Variants in PCBP3 observed in about 807,000 individuals in gnomAD.
PCBP3 encodes poly(rC) binding protein 3.
In PCBP3, 25 loss-of-function variants were observed where a neutral mutation model predicts 52.7. The observed-to-expected ratio is 0.47, with a 90% confidence interval of 0.35 to 0.66. PCBP3 has a LOEUF of 0.66. Among genes scored for constraint, PCBP3 ranks in the 30% least tolerant of loss-of-function variants. The probability of loss-of-function intolerance (pLI) is 0.01; values close to 1 mark genes in which losing one functional copy is unlikely to be tolerated. For synonymous variants in PCBP3, 162 were observed against 183.0 expected (o/e 0.89, Z 0.93); for missense variants, 391 against 490.3 (o/e 0.80, Z 1.91).
chr21:45,832,433 G>T (rs1358460534), intron 4 of PCBP3, among the ~76,000 whole-genome samples: 1 of 152,108 alleles, frequency 6.6e-6, no homozygotes, highest in African/African-American at 2.4e-5. Flanking sequence ...AGCCCAACAG[G>T]TCTCAGCCTT....
At chr21:45,845,377 G>A (rs1057255459) in intron 4 of PCBP3, among the ~76,000 whole-genome samples, 2 of 152,258 alleles carry the variant, frequency 1.3e-5, no homozygotes, top group African/African-American at 4.8e-5. Flanking sequence ...GCACCCGTGT[G>A]CACATGTGTG....
intron 1 of PCBP3, among the ~76,000 whole-genome samples, chr21:45,650,913 G>A (rs142312235): frequency 4.6e-5 from 7 of 152,262 alleles, no homozygotes; most frequent in South Asian, 2.1e-4. Context: ...CCTAATTTCA[G>A]ATGGGGCGGG....
chr21:45,646,107 C>CTCTCTCTCTCTCTCTCTGTGTG (rs1555895746), intron 1 of PCBP3, among the ~76,000 whole-genome samples: 3 of 83,826 alleles, frequency 3.6e-5, no homozygotes, highest in Non-Finnish European at 6.8e-5. Context: ...CTCTCTCTCT[C>CTCTCTCTCTCTCTCTCTGTGTG]TGTGTGTGTG....
At chr21:45,655,786 C>T (rs556604114) in intron 1 of PCBP3, among the ~76,000 whole-genome samples, 1 of 152,158 alleles carries the variant, frequency 6.6e-6, no homozygotes, top group East Asian at 1.9e-4. Flanking sequence ...TATCCAGAGC[C>T]TACAAAGTAC....
intron 2 of PCBP3, among the ~76,000 whole-genome samples, chr21:45,710,918 G>A (rs1406062734): frequency 3.3e-5 from 5 of 151,968 alleles, no homozygotes; most frequent in Non-Finnish European, 7.4e-5. Flanking sequence ...CTCTCAAATT[G>A]CTCCAGCTTT....
intron 4 of PCBP3, among the ~76,000 whole-genome samples, chr21:45,840,219 G>A (rs2093670502): frequency 6.6e-6 from 1 of 151,642 alleles, no homozygotes; most frequent in Non-Finnish European, 1.5e-5. Flanking sequence ...TTGGGAGGCC[G>A]AGGTGGGCAG....
intron 4 of PCBP3, among the ~76,000 whole-genome samples, chr21:45,785,734 C>A (rs965330534): frequency 6.6e-6 from 1 of 152,008 alleles, no homozygotes; most frequent in Non-Finnish European, 1.5e-5. Flanking sequence ...GGATGGTTGC[C>A]GTGTCTGTGT....
At chr21:45,910,287 A>G (rs563673350) in intron 10 of PCBP3, among the ~76,000 whole-genome samples, 1 of 141,832 alleles carries the variant, frequency 7.1e-6, no homozygotes, top group African/African-American at 2.7e-5. Flanking sequence ...CTACACTCCT[A>G]TGGGCCGTGC....
chr21:45,852,515 C>T (rs58491182), intron 5 of PCBP3, among the ~76,000 whole-genome samples: 35 of 91,378 alleles, frequency 3.8e-4, no homozygotes, highest in African/African-American at 9.4e-4. Context: ...GCCACCCTGA[C>T]TTTTGTTCAG....
At chr21:45,690,976 A>G (rs2082426653) in intron 2 of PCBP3, among the ~76,000 whole-genome samples, 2 of 152,176 alleles carry the variant, frequency 1.3e-5, no homozygotes. Context: ...TAAATACCGT[A>G]GCACTTACCG....
intron 3 of PCBP3, among the ~76,000 whole-genome samples, chr21:45,745,919 TGTCA>T (rs1056434199): frequency 1.3e-5 from 2 of 151,078 alleles, no homozygotes; most frequent in Non-Finnish European, 3.0e-5. Flanking sequence ...AGCATCGCTG[TGTCA>T]GTCCATTGAC....
At chr21:45,900,680 C>A in intron 8 of PCBP3, 57 bp downstream of exon 8, 1 of 1,176,298 alleles carries the variant, frequency 8.5e-7, no homozygotes, top group Non-Finnish European at 1.3e-6. Context: ...CGGGGTGGGT[C>A]CCCAGGCTCT....
chr21:45,857,383 CAAGA>C (rs894636367), intron 5 of PCBP3, among the ~76,000 whole-genome samples: 1 of 151,964 alleles, frequency 6.6e-6, no homozygotes, highest in African/African-American at 2.4e-5. Flanking sequence ...GGAATATAGG[CAAGA>C]AAAAAAATCA....
intron 5 of PCBP3, among the ~76,000 whole-genome samples, chr21:45,868,062 C>T (rs1400896575): frequency 6.6e-6 from 1 of 152,276 alleles, no homozygotes; most frequent in Non-Finnish European, 1.5e-5. Context: ...TGGGCCCGTC[C>T]GGAATTAGTG....
chr21:45,825,813 TG>T (rs1199296711), intron 4 of PCBP3, among the ~76,000 whole-genome samples: 1 of 151,918 alleles, frequency 6.6e-6, no homozygotes, highest in Admixed American at 6.6e-5. Context: ...TGGTGGGACG[TG>T]GGGGCGCATG....
intron 2 of PCBP3, among the ~76,000 whole-genome samples, chr21:45,731,002 G>A (rs1410462759): frequency 6.6e-6 from 1 of 152,120 alleles, no homozygotes; most frequent in Non-Finnish European, 1.5e-5. Flanking sequence ...TAATTGGGAT[G>A]TTGAGACCAT....
chr21:45,762,475 T>C (rs1373213236), intron 4 of PCBP3: 1 of 137,872 alleles, frequency 7.3e-6, no homozygotes, highest in African/African-American at 2.6e-5. Context: ...TTCACCTTTT[T>C]CTTTTCTTTT....
chr21:45,858,608 A>C (rs1377174453), intron 5 of PCBP3: 1 of 152,172 alleles, frequency 6.6e-6, no homozygotes, highest in Non-Finnish European at 1.5e-5. Context: ...CCACCTTTGC[A>C]TGACTCTGTT....
intron 3 of PCBP3, among the ~76,000 whole-genome samples, chr21:45,747,491 G>C (rs1291695302): frequency 6.6e-6 from 1 of 152,236 alleles, no homozygotes; most frequent in Non-Finnish European, 1.5e-5. Flanking sequence ...CATAGGTGCT[G>C]CTGCAGTGAC....
Sources: gnomAD v4.1 joint callset for allele counts (sites outside exome capture counted in the v4.1 genomes callset) on GRCh38, gnomAD v4.1.1 for gene constraint, MANE v1.5 for transcripts, NCBI Gene and HGNC (gene_info 2026-07-23, HGNC 2026-07-21) for gene names.